ANK2: variants seen among roughly 807,000 people sequenced by gnomAD.
The protein encoded by ANK2 is ankyrin-2.
Under a neutral mutation model 360.5 loss-of-function variants are expected in ANK2, and 83 were observed. The observed-to-expected ratio is 0.23, with a 90% CI of 0.19 to 0.28. The LOEUF (loss-of-function observed/expected upper bound fraction) is 0.28. ANK2 is among the 10% of genes least tolerant of loss of function. The pLI is 1.00. For missense variants in ANK2, 4,201 were observed against 4,795.7 expected (o/e 0.88, Z 3.66); for synonymous variants, 1,740 against 1,759.5 (o/e 0.99, Z 0.28).
At chr4:113,285,760 T>C (rs536085145) in intron 18 of ANK2, among the ~76,000 whole-genome samples, 2 of 152,288 alleles carry the variant, frequency 1.3e-5, no homozygotes, top group South Asian at 4.1e-4. Flanking sequence ...GAGGGTCTTA[T>C]GATCCACAAA....
chr4:112,967,819 T>A (rs948207644), intron 2 of ANK2, among the ~76,000 whole-genome samples: 3 of 152,202 alleles, frequency 2.0e-5, no homozygotes, highest in African/African-American at 7.2e-5. Context: ...GCAGCTTGCT[T>A]ATTTTAATAT....
At chr4:113,369,341 A>T (rs1369698753) in intron 42 of ANK2, among the ~76,000 whole-genome samples, 173 bp from the exon 43 acceptor site, 1 of 152,208 alleles carries the variant, frequency 6.6e-6, no homozygotes. Context: ...ACAACTCTAT[A>T]TCTTGTCATA....
At chr4:112,768,051 G>A in the ANK2 span, among the ~76,000 whole-genome samples, 1 of 152,174 alleles carries the variant, frequency 6.6e-6, no homozygotes, top group Non-Finnish European at 1.5e-5. Flanking sequence ...ATAGGAAGAC[G>A]AAGTTGATAT....
At chr4:113,327,535 A>G (rs2090606333) in intron 26 of ANK2, among the ~76,000 whole-genome samples, 1 of 152,206 alleles carries the variant, frequency 6.6e-6, no homozygotes, top group Admixed American at 6.5e-5. Context: ...ACTAGGTTGT[A>G]CATTCGCTTA....
chr4:113,209,295 T>C (rs2153447171), intron 4 of ANK2, among the ~76,000 whole-genome samples: 1 of 152,020 alleles, frequency 6.6e-6, no homozygotes. Context: ...AATGTTTCTT[T>C]CAGACCTTTG....
rs199549660 is a variant in ANK2 at position 113,367,652 on chromosome 4, G to A, written c.11119G>A (p.Asp3707Asn). 3.0e-4 allele frequency: 479 copies of A among 1,613,770 alleles called. 2 individuals are homozygous for A. The highest frequency in any genetic ancestry group is 1.6e-3 in the South Asian group (144 of 91,074). Residue 3707 changes from aspartate (D) to asparagine (N), a missense_variant, in exon 42 of 46, where the codon GAT (aspartate) becomes AAT (asparagine). Physicochemically the swap from Asp to Asn is conservative, Grantham distance 23. Coordinates refer to ENST00000357077, the MANE Select transcript of ANK2 (RefSeq NM_001148.6). ...QAVSKESETC[D>N]HPPIVSEEDI... ...TGTTTCTAAAGAAAGTGAGACCTGC[G>A]ATCACCCTCCTATCGTCTCAGAGGA...
chr4:112,829,507 A>AAAAAAAAAAAAAAAAAAAAAAAAAC (rs2059229101), intron 1 of ANK2, among the ~76,000 whole-genome samples: 1 of 150,596 alleles, frequency 6.6e-6, no homozygotes, highest in African/African-American at 2.4e-5. Flanking sequence ...AAAAAAAAAA[A>AAAAAAAAAAAAAAAAAAAAAAAAAC]AAAGGAAGGG....
Position 113,357,316 on chromosome 4 carries a change from C to A in ANK2, c.8698C>A (p.Gln2900Lys). ...CTCTCAAGACTCATCCATTACTACT[C>A]AAACAGATAGATTTTCCATGGATGT... ...CPSQDSSITT[Q>K]TDRFSMDVPV... Residue 2900 changes from glutamine (Q) to lysine (K), a missense_variant, in exon 38 of 46, where the codon CAA (glutamine) becomes AAA (lysine). Coordinates refer to ENST00000357077, the MANE Select transcript of ANK2 (RefSeq NM_001148.6). 1.2e-6 allele frequency: 2 copies of A among 1,614,074 alleles called. No homozygotes were observed. Among genetic ancestry groups the A allele is most frequent in the South Asian group, 2.2e-5 (2 of 91,074 alleles).
At chr4:113,012,070 C>G (rs1188016331) in intron 2 of ANK2, among the ~76,000 whole-genome samples, 12 of 152,048 alleles carry the variant, frequency 7.9e-5, no homozygotes, top group Non-Finnish European at 1.8e-4. Flanking sequence ...GGTTGTTTTT[C>G]ACTTTAATGC....
In ANK2 at chr4:113,331,731, C is replaced by T. The variant is rs186436014; in HGVS notation, c.3126-241C>T. On this transcript the variant is annotated intron_variant, in intron 27 of 45. Coordinates refer to ENST00000357077, the MANE Select transcript of ANK2 (RefSeq NM_001148.6). Reference sequence around the variant, plus strand: ...TCCCCCTTTTTGGCTAGTGCCCTGGCGGTGAACCTAATTAGGGACAGACCG... The same window carrying T: ...TCCCCCTTTTTGGCTAGTGCCCTGGTGGTGAACCTAATTAGGGACAGACCG... Among the ~76,000 whole-genome samples, 85 of 152,200 alleles carry T rather than the reference C, an allele frequency of 5.6e-4. 1 individual carries two copies. The East Asian group carries it at 0.016, about 28-fold the overall frequency.
At chr4:112,758,746 C>T in the ANK2 span, among the ~76,000 whole-genome samples, 1 of 152,150 alleles carries the variant, frequency 6.6e-6, no homozygotes, top group Admixed American at 6.6e-5. Context: ...TTCTCAAAAC[C>T]CTTTGCCAAA....
At chr4:113,360,784 TAGACAACC>T in intron 38 of ANK2, 31 bp from the exon 39 acceptor site, 2 of 1,590,778 alleles carry the variant, frequency 1.3e-6, no homozygotes, top group Non-Finnish European at 1.7e-6. Flanking sequence ...TCTCCTGTCA[TAGACAACC>T]TTTGGCCATT....
rs75668836 is a variant in ANK2 at position 113,221,060 on chromosome 4, A to G, written c.385-11101A>G. 2.9e-3 allele frequency among the ~76,000 whole-genome samples: 449 copies of G among 152,332 alleles called. 3 individuals carry two copies. The highest frequency in any genetic ancestry group is 0.01 in the African/African-American group (420 of 41,582). On this transcript the variant is annotated intron_variant, in intron 4 of 45. Coordinates refer to ENST00000357077, the MANE Select transcript of ANK2 (RefSeq NM_001148.6). ...AATTATATGGAATAGACTGTGTACT[A>G]GAGAGGAAGATTTGGAATAGCCTAG...
At chr4:113,206,562 G>A (rs1338424504) in intron 4 of ANK2, among the ~76,000 whole-genome samples, 1 of 152,000 alleles carries the variant, frequency 6.6e-6, no homozygotes, top group African/African-American at 2.4e-5. Flanking sequence ...ATTTGACAAG[G>A]AATAAAAAAG....
chr4:113,055,537 C>T (rs553445142), intron 1 of ANK2, among the ~76,000 whole-genome samples: 4 of 152,324 alleles, frequency 2.6e-5, no homozygotes, highest in South Asian at 4.1e-4. Context: ...TATTACTTGG[C>T]TCTTACAGTA....
chr4:112,749,157 C>T, the ANK2 span, among the ~76,000 whole-genome samples: 5 of 152,178 alleles, frequency 3.3e-5, no homozygotes, highest in Admixed American at 1.3e-4. Flanking sequence ...GCCTCGGCCT[C>T]CCACAGTGCT....
chr4:113,160,888 AG>A (rs2097511898), intron 1 of ANK2, among the ~76,000 whole-genome samples: 1 of 152,180 alleles, frequency 6.6e-6, no homozygotes, highest in African/African-American at 2.4e-5. Flanking sequence ...GTCAAACTTG[AG>A]GGTAGATTTA....
the ANK2 span, among the ~76,000 whole-genome samples, chr4:112,734,055 G>A: frequency 9.2e-3 from 1,394 of 152,332 alleles, 22 homozygotes; most frequent in African/African-American, 0.032. Context: ...GTTTACAGGC[G>A]TGAGCCAACA....
chr4:112,850,848 G>A (rs1409652888), intron 1 of ANK2, among the ~76,000 whole-genome samples: 1 of 151,932 alleles, frequency 6.6e-6, no homozygotes, highest in African/African-American at 2.4e-5. Flanking sequence ...TGGGATGCAC[G>A]AGAATGCTTT....
Sources: gnomAD v4.1 joint callset for allele counts (sites outside exome capture counted in the v4.1 genomes callset) on GRCh38, gnomAD v4.1.1 for gene constraint, MANE v1.5 for transcripts, NCBI Gene and HGNC (gene_info 2026-07-23, HGNC 2026-07-21) for gene names.